The following CPNE4 variants were observed in gnomAD, a reference collection of about 807,000 sequenced individuals.
CPNE4 encodes copine-4.
A neutral mutation model predicts 67.9 loss-of-function variants in CPNE4; 25 were observed. That is an observed-to-expected ratio of 0.37 (90% CI 0.27 to 0.51). The LOEUF (loss-of-function observed/expected upper bound fraction) is 0.51, where lower values mean the gene tolerates loss of function less well. Ranked by LOEUF, CPNE4 falls within the 20% of genes least tolerant of loss-of-function variation. The probability of loss-of-function intolerance (pLI) is 0.93; values close to 1 mark genes in which losing one functional copy is unlikely to be tolerated. For synonymous variants in CPNE4, 242 were observed against 244.9 expected (o/e 0.99, Z 0.11); for missense variants, 464 against 690.8 (o/e 0.67, Z 3.68).
chr3:131,785,648 ACTCT>A (rs1300100117), intron 2 of CPNE4, among the ~76,000 whole-genome samples: 11 of 132,304 alleles, frequency 8.3e-5, no homozygotes, highest in Admixed American at 2.3e-4. Flanking sequence ...ATCTGCCAGC[ACTCT>A]CTCTCTCTCT....
rs1273983473 is a variant in CPNE4 at position 131,550,125 on chromosome 3, A to G, written c.1169-45T>C. On this transcript the variant is annotated intron_variant, in intron 13 of 15. Transcript: ENST00000429747. ...GATCAACAGCTCCAGAGTCACTCCA[A>G]ATATATTTATAGCCAAACACACACA... The G allele has an allele frequency of 1.9e-6, 3 of 1,604,580 alleles. No homozygotes were observed. The Admixed American group carries it at 5.0e-5, about 27-fold the overall frequency.
chr3:132,029,410 A>T (rs1021615928), intron 1 of CPNE4, among the ~76,000 whole-genome samples: 1 of 152,268 alleles, frequency 6.6e-6, no homozygotes, highest in African/African-American at 2.4e-5. Context: ...GTCAAACTCC[A>T]TTCCTTATCC....
rs201494241 is a variant in CPNE4, at chr3:131,696,591, T to C, written c.458A>G (p.Asn153Ser). 1.4e-4 allele frequency: 234 copies of C among 1,614,058 alleles called. 1 individual carries two copies. Among genetic ancestry groups the C allele is most frequent in the Non-Finnish European group, 1.8e-4 (209 of 1,179,926 alleles). The change falls in exon 5 of 16, where the codon AAT (asparagine) becomes AGT (serine). Residue 153 changes from asparagine to serine, a missense_variant. By Grantham distance (46) the Asn-to-Ser change is conservative. This residue lies in a region of CPNE4 where 170 missense variants were observed against 203.3 expected (regional missense o/e 0.84). Coordinates refer to ENST00000429747, the MANE Select transcript of CPNE4 (RefSeq NM_130808.3). ...GAATGCAAGCTCAACATAGTCGTCA[T>C]TGCCAGATAATTCTTCAGCAATCAC... Reference protein sequence around the residue: ...ITVIAEELSGNDDYVELAFNA... With the variant: ...ITVIAEELSGSDDYVELAFNA...
chr3:132,030,410 G>A (rs1478231262), intron 1 of CPNE4, among the ~76,000 whole-genome samples: 1 of 152,174 alleles, frequency 6.6e-6, no homozygotes, highest in Non-Finnish European at 1.5e-5. Context: ...CAATGACTTT[G>A]TACAAATTCA....
intron 1 of CPNE4, among the ~76,000 whole-genome samples, chr3:131,961,755 G>T (rs1170370854): frequency 6.6e-6 from 1 of 152,100 alleles, no homozygotes; most frequent in Non-Finnish European, 1.5e-5. Flanking sequence ...CTCAAAAAAT[G>T]ACCTTAAAGA....
In CPNE4 at chr3:131,911,029, C is replaced by T. The variant is rs147386483; in HGVS notation, c.-1-5585G>A. 4.5e-3 allele frequency among the ~76,000 whole-genome samples: 682 copies of T among 152,150 alleles called. 1 individual carries two copies. The highest frequency in any genetic ancestry group is 0.027 in the Middle Eastern group (8 of 294). On this transcript the variant is annotated intron_variant, in intron 1 of 15. Transcript: ENST00000429747. ...TGGCCATCTCCTGGTATTCATGCCC[C>T]GTATACCACCCTCACCTTGAGTATG...
chr3:131,633,206 T>C (rs1430567655), intron 7 of CPNE4, among the ~76,000 whole-genome samples: 3 of 152,196 alleles, frequency 2.0e-5, no homozygotes, highest in Non-Finnish European at 4.4e-5. Context: ...TTTTCACCAC[T>C]ACCTCCCTAG....
chr3:131,714,248 C>A, intron 3 of CPNE4, among the ~76,000 whole-genome samples: 1 of 152,108 alleles, frequency 6.6e-6, no homozygotes, highest in East Asian at 1.9e-4. Flanking sequence ...CGACACTAAA[C>A]CTAATACCCA....
chr3:131,650,668 C>T, intron 7 of CPNE4, among the ~76,000 whole-genome samples: 1 of 136,450 alleles, frequency 7.3e-6, no homozygotes, highest in African/African-American at 3.2e-5. Flanking sequence ...TGGCGTGAAC[C>T]CGGGAGGCGG....
chr3:131,897,619 G>A (rs1289919350), intron 2 of CPNE4, among the ~76,000 whole-genome samples: 2 of 152,034 alleles, frequency 1.3e-5, no homozygotes, highest in South Asian at 4.1e-4. Context: ...AAATAGGCTG[G>A]ACACAGTGGC....
At chr3:132,031,848 C>T (rs2074243024) in intron 1 of CPNE4, among the ~76,000 whole-genome samples, 1 of 152,030 alleles carries the variant, frequency 6.6e-6, no homozygotes. Flanking sequence ...AGTATAACCT[C>T]AAGGTTTTAA....
rs187617311 is a variant in CPNE4, at chr3:131,967,462, A to G, written c.-1-62018T>C. On this transcript the variant is annotated intron_variant, in intron 1 of 15. Coordinates refer to ENST00000429747, the MANE Select transcript of CPNE4 (RefSeq NM_130808.3). ...CTGTTTGCAGATGACATGATTGTGT[A>G]TTTAGAAAACCCCATCATCTCAGCT... Among the ~76,000 whole-genome samples the G allele has an allele frequency of 7.8e-3, 1,190 of 152,336 alleles. 8 individuals are homozygous for G. The highest frequency in any genetic ancestry group is 0.012 in the Non-Finnish European group (839 of 68,026).
At chr3:131,779,470 C>G (rs376521202) in intron 2 of CPNE4, among the ~76,000 whole-genome samples, 1 of 151,658 alleles carries the variant, frequency 6.6e-6, no homozygotes, top group Non-Finnish European at 1.5e-5. Context: ...GCATGGTACT[C>G]GTAGAAAAAA....
At chr3:131,681,734 C>T (rs542597260) in intron 6 of CPNE4, among the ~76,000 whole-genome samples, 1 of 152,110 alleles carries the variant, frequency 6.6e-6, no homozygotes, top group African/African-American at 2.4e-5. Context: ...CTCTTTTTCT[C>T]CTTATACTTT....
intron 7 of CPNE4, among the ~76,000 whole-genome samples, chr3:131,663,603 T>C (rs1186644760): frequency 6.6e-6 from 1 of 152,114 alleles, no homozygotes; most frequent in Non-Finnish European, 1.5e-5. Context: ...AAATGAAGAC[T>C]CCAGGACCAC....
intron 2 of CPNE4, among the ~76,000 whole-genome samples, chr3:131,800,519 A>G (rs1275735841): frequency 6.6e-6 from 1 of 152,194 alleles, no homozygotes; most frequent in Non-Finnish European, 1.5e-5. Flanking sequence ...TTGCCAAAAT[A>G]TTTAACGGGT....
At chr3:131,970,864 G>T (rs1163738804) in intron 1 of CPNE4, among the ~76,000 whole-genome samples, 1 of 152,190 alleles carries the variant, frequency 6.6e-6, no homozygotes, top group Non-Finnish European at 1.5e-5. Flanking sequence ...CAATCTGAGA[G>T]GGTAGCAGCA....
chr3:131,793,345 T>C (rs1279652499), intron 2 of CPNE4, among the ~76,000 whole-genome samples: 4 of 152,194 alleles, frequency 2.6e-5, no homozygotes, highest in African/African-American at 9.7e-5. Context: ...TTAAAATTCT[T>C]TGTGGTTTTC....
intron 2 of CPNE4, among the ~76,000 whole-genome samples, chr3:131,796,356 C>T (rs1190571399): frequency 1.3e-5 from 2 of 152,082 alleles, no homozygotes; most frequent in African/African-American, 2.4e-5. Context: ...AATTGAATCT[C>T]TAATTTGGAT....
Sources: allele counts gnomAD v4.1 joint callset (sites outside exome capture counted in the v4.1 genomes callset), GRCh38; gene constraint gnomAD v4.1.1; regional missense constraint gnomAD v4.1.1; transcripts MANE v1.5; gene names NCBI Gene and HGNC (gene_info 2026-07-23, HGNC 2026-07-21).